ABCC5: variants seen among roughly 807,000 people sequenced by gnomAD.
The protein encoded by ABCC5 is ATP binding cassette subfamily C member 5.
ABCC5 carries 61 observed loss-of-function variants against 160.9 expected under a neutral mutation model. The observed-to-expected ratio is 0.38, with a 90% CI of 0.31 to 0.47. The LOEUF is 0.47. Ranked by LOEUF, ABCC5 falls within the 20% of genes least tolerant of loss-of-function variation. The probability of loss-of-function intolerance (pLI) is 0.99; values close to 1 mark genes in which losing one functional copy is unlikely to be tolerated. For synonymous variants in ABCC5, 666 were observed against 700.6 expected (o/e 0.95, Z 0.78); for missense variants, 1,308 against 1,813.3 (o/e 0.72, Z 5.06).
chr3:183,936,405 A>G (rs1221687716), intron 26 of ABCC5, among the ~76,000 whole-genome samples: 3 of 152,166 alleles, frequency 2.0e-5, no homozygotes, highest in Non-Finnish European at 4.4e-5. Flanking sequence ...GCCATTTCCA[A>G]AGGTGGAGGG....
chr3:183,921,514 T>C lies in ABCC5; in HGVS notation c.4213-113A>G. 2.3e-6 allele frequency: 2 copies of C among 873,070 alleles called. No homozygotes were observed. The highest frequency in any genetic ancestry group is 3.0e-5 in the East Asian group (1 of 33,300). The allele number at this position is 873,070 out of a possible 1,614,324, so 54.1% of individuals were successfully genotyped here. On this transcript the variant is annotated intron_variant, in intron 29 of 29. Transcript: ENST00000334444. The surrounding 1 kb of genome is among the most constrained non-coding windows in gnomAD (Gnocchi z 4.1). ...CTCTGAGGGTAGAATCTGGGGACAA[T>C]TCAACTAGCCCTGCGTGCACCTCCC...
At chr3:183,946,878 G>A (rs1029173880) in intron 23 of ABCC5, among the ~76,000 whole-genome samples, 1 of 152,050 alleles carries the variant, frequency 6.6e-6, no homozygotes, top group East Asian at 1.9e-4. Context: ...ATCACCCCTA[G>A]GGGCTAGAAG....
At chr3:184,009,949 C>A (rs765775072) in intron 2 of ABCC5, 4 of 431,650 alleles carry the variant, frequency 9.3e-6, no homozygotes, top group Non-Finnish European at 1.9e-5. Context: ...GGGAGTTCAA[C>A]AACAGCCTGG....
At chr3:183,958,579 T>TA (rs1211645510) in intron 17 of ABCC5, among the ~76,000 whole-genome samples, 4 of 151,776 alleles carry the variant, frequency 2.6e-5, no homozygotes, top group Non-Finnish European at 4.4e-5. Context: ...CCATACCTTT[T>TA]AAAAAAAGAA....
chr3:183,977,465 T>C, intron 10 of ABCC5, 52 bp downstream of exon 10: 1 of 1,365,400 alleles, frequency 7.3e-7, no homozygotes, highest in African/African-American at 1.4e-5. Context: ...AGCCAGCAGT[T>C]AGTTGTGTGG....
chr3:183,942,972 G>T, intron 24 of ABCC5, 56 bp from the exon 25 acceptor site: 1 of 1,522,556 alleles, frequency 6.6e-7, no homozygotes. Flanking sequence ...GGGAGCTGCA[G>T]GCTTTGTCAC....
chr3:183,966,967 T>A (rs1019764904), intron 12 of ABCC5, among the ~76,000 whole-genome samples: 4 of 151,930 alleles, frequency 2.6e-5, no homozygotes, highest in African/African-American at 9.7e-5. Flanking sequence ...ACCATCTAAG[T>A]CAAGTTAATT....
chr3:183,941,663 T>C (rs1714362874), intron 25 of ABCC5, among the ~76,000 whole-genome samples: 1 of 151,814 alleles, frequency 6.6e-6, no homozygotes, highest in African/African-American at 2.4e-5. Flanking sequence ...ACAAGTTCAG[T>C]CTTTGGAATG....
chr3:183,961,521 G>C lies in ABCC5; in HGVS notation c.2369C>G (p.Pro790Arg). Residue 790 changes from proline to arginine, a missense_variant, in exon 16 of 30, where the codon CCG (proline) becomes CGG (arginine). Physicochemically the swap from Pro to Arg is moderately radical, Grantham distance 103 (BLOSUM62 -2). This residue lies in a region of ABCC5 where 1,142 missense variants were observed against 1,527.1 expected (regional missense o/e 0.75). Coordinates refer to ENST00000334444, the MANE Select transcript of ABCC5 (RefSeq NM_005688.4). ...ACCATCAGATCTTACCTCAACTGGCGGTGTCTCTCCCAGCAACAGGTTATT... is the reference window on the plus strand; with the variant it reads ...ACCATCAGATCTTACCTCAACTGGCCGTGTCTCTCCCAGCAACAGGTTATT... ...IFNNLLLGETPPVEINSKKET... is the reference protein window; with the variant it reads ...IFNNLLLGETRPVEINSKKET... The C allele has an allele frequency of 6.2e-7, 1 of 1,614,042 alleles. No individual in the cohort carries two copies. The highest frequency in any genetic ancestry group is 8.5e-7 in the Non-Finnish European group (1 of 1,179,990).
chr3:184,000,087 G>A (rs6807429), intron 2 of ABCC5, among the ~76,000 whole-genome samples: 5,467 of 151,926 alleles, frequency 0.036, 321 homozygotes, highest in African/African-American at 0.12. Flanking sequence ...GGCTGGGCGC[G>A]GCGGCTCACA....
At chr3:183,924,572 T>G (rs1712338157) in intron 29 of ABCC5, among the ~76,000 whole-genome samples, 1 of 152,176 alleles carries the variant, frequency 6.6e-6, no homozygotes, top group Non-Finnish European at 1.5e-5. Flanking sequence ...TCCTCCAAAT[T>G]ATTAATTTAC....
intron 23 of ABCC5, 79 bp downstream of exon 23, chr3:183,947,245 C>T: frequency 2.9e-6 from 4 of 1,400,506 alleles, no homozygotes; most frequent in South Asian, 3.2e-5. Flanking sequence ...GGTGGAGCCC[C>T]CCACAATCAT....
intron 22 of ABCC5, among the ~76,000 whole-genome samples, chr3:183,948,594 C>T (rs2108792525): frequency 6.6e-6 from 1 of 152,222 alleles, no homozygotes; most frequent in African/African-American, 2.4e-5. Context: ...CAAAGGTTTA[C>T]CATGAAAGGT....
In ABCC5 at chr3:183,921,528, C is replaced by G. The variant is rs1462442960; in HGVS notation, c.4213-127G>C. 4.7e-6 allele frequency: 3 copies of G among 633,130 alleles called. No homozygotes were observed. Among genetic ancestry groups the G allele is most frequent in the Non-Finnish European group, 7.5e-6 (3 of 401,124 alleles). The allele number at this position is 633,130 out of a possible 1,614,324, so 39.2% of individuals were successfully genotyped here. A position where few individuals can be genotyped will look rare whatever the true frequency, so the allele number is the denominator to read the frequency against. ...TCTGGGGACAATTCAACTAGCCCTGCGTGCACCTCCCCCCTTATTTTTTTA... is the reference window on the plus strand; with the variant it reads ...TCTGGGGACAATTCAACTAGCCCTGGGTGCACCTCCCCCCTTATTTTTTTA... On this transcript the variant is annotated intron_variant, in intron 29 of 29. Coordinates refer to ENST00000334444, the MANE Select transcript of ABCC5 (RefSeq NM_005688.4). The surrounding 1 kb of genome is among the most constrained non-coding windows in gnomAD (Gnocchi z 4.1).
chr3:183,992,265 A>T (rs7620350), intron 2 of ABCC5, among the ~76,000 whole-genome samples: 93,957 of 152,082 alleles, frequency 0.62, 29,770 homozygotes, highest in East Asian at 0.85. Context: ...AATCTCAACT[A>T]CTCAGGAGGC....
chr3:183,956,220 GTAAA>G (rs1398614775), intron 17 of ABCC5, among the ~76,000 whole-genome samples: 74 of 147,638 alleles, frequency 5.0e-4, no homozygotes, highest in Middle Eastern at 7.0e-3. Context: ...AGATCCGTGT[GTAAA>G]TCACATCGGT....
chr3:183,991,128 C>A (rs1334008862), intron 2 of ABCC5, among the ~76,000 whole-genome samples: 5 of 151,034 alleles, frequency 3.3e-5, no homozygotes, highest in African/African-American at 1.2e-4. Flanking sequence ...ACCATCTCTA[C>A]AAAAAGTAAA....
rs367550851 is a variant in ABCC5, at chr3:183,982,315, G to A, written c.999+136C>T. 2 of 962,994 alleles carry A rather than the reference G, an allele frequency of 2.1e-6. No individual in the cohort carries two copies. Among genetic ancestry groups the A allele is most frequent in the Non-Finnish European group, 3.1e-6 (2 of 655,504 alleles). The allele number at this position is 962,994 out of a possible 1,614,324, so 59.7% of individuals were successfully genotyped here. A position where few individuals can be genotyped will look rare whatever the true frequency, so the allele number is the denominator to read the frequency against. ...CTGTCCCTATAGAGCAAGCACTATCGAGCTCTAGATTGAACCTGCTTTGAG... is the reference window on the plus strand; with the variant it reads ...CTGTCCCTATAGAGCAAGCACTATCAAGCTCTAGATTGAACCTGCTTTGAG... On this transcript the variant is annotated intron_variant, in intron 7 of 29. Transcript: ENST00000334444. This position sits in a 1 kb window ranked among gnomAD's most constrained non-coding sequence, Gnocchi z 5.2.
chr3:183,968,662 G>T (rs1717452281), intron 11 of ABCC5, among the ~76,000 whole-genome samples: 1 of 152,176 alleles, frequency 6.6e-6, no homozygotes, highest in African/African-American at 2.4e-5. Flanking sequence ...TCTCAAAGTG[G>T]TGTTGAAAGT....
Sources: allele counts gnomAD v4.1 joint callset (sites outside exome capture counted in the v4.1 genomes callset), GRCh38; gene constraint gnomAD v4.1.1; regional missense constraint gnomAD v4.1.1; non-coding constraint Gnocchi (gnomAD v3.1); transcripts MANE v1.5; gene names NCBI Gene and HGNC (gene_info 2026-07-23, HGNC 2026-07-21).